ACTN2: variants seen among roughly 807,000 people sequenced by gnomAD.
ACTN2 encodes the protein actinin alpha 2.
A neutral mutation model predicts 113.8 loss-of-function variants in ACTN2; 39 were observed. The observed-to-expected ratio is 0.34, with a 90% CI of 0.27 to 0.45. ACTN2 has a LOEUF of 0.45. Ranked by LOEUF, ACTN2 falls within the 20% of genes least tolerant of loss-of-function variation. The pLI, the probability that ACTN2 is intolerant of heterozygous loss-of-function variation, is 1.00. For missense variants in ACTN2, 992 were observed against 1,177.9 expected (o/e 0.84, Z 2.31); for synonymous variants, 429 against 444.1 (o/e 0.97, Z 0.43).
At chr1:236,690,179 G>C (rs1396042067) in intron 1 of ACTN2, among the ~76,000 whole-genome samples, 1 of 152,186 alleles carries the variant, frequency 6.6e-6, no homozygotes, top group African/African-American at 2.4e-5. Context: ...GTGTTGCCAT[G>C]TTGGGTCAGG....
At chr1:236,694,800 C>T (rs1657432309) in intron 1 of ACTN2, among the ~76,000 whole-genome samples, 1 of 152,166 alleles carries the variant, frequency 6.6e-6, no homozygotes, top group Non-Finnish European at 1.5e-5. Flanking sequence ...TGTGGTGGCT[C>T]ATGCCCATAT....
intron 1 of ACTN2, among the ~76,000 whole-genome samples, chr1:236,695,536 G>A (rs1419915672): frequency 1.3e-5 from 2 of 148,302 alleles, no homozygotes; most frequent in African/African-American, 2.5e-5. Context: ...AAAAGTTCTG[G>A]TAACCTGAAT....
At chr1:236,736,434 TAGG>T in intron 8 of ACTN2, 1 of 626,830 alleles carries the variant, frequency 1.6e-6, no homozygotes, top group Non-Finnish European at 2.7e-6. Context: ...AGAAGCCAGT[TAGG>T]CAAGCTTCTC....
intron 1 of ACTN2, among the ~76,000 whole-genome samples, chr1:236,713,602 T>A (rs1658119582): frequency 6.6e-6 from 1 of 152,156 alleles, no homozygotes; most frequent in South Asian, 2.1e-4. Context: ...GTCTGTGTGT[T>A]TATGTATACA....
intron 15 of ACTN2, among the ~76,000 whole-genome samples, chr1:236,752,187 T>A (rs1659415544): frequency 6.6e-6 from 1 of 152,202 alleles, no homozygotes; most frequent in African/African-American, 2.4e-5. Flanking sequence ...TGAGCCCTTT[T>A]GTCTGATTTT....
intron 15 of ACTN2, among the ~76,000 whole-genome samples, chr1:236,753,595 G>A (rs1659464568): frequency 6.6e-6 from 1 of 152,198 alleles, no homozygotes; most frequent in African/African-American, 2.4e-5. Flanking sequence ...CAAATCCTCT[G>A]TACTCTGGAC....
chr1:236,720,436 G>T (rs955945219), intron 4 of ACTN2, among the ~76,000 whole-genome samples: 4 of 152,136 alleles, frequency 2.6e-5, no homozygotes, highest in African/African-American at 9.7e-5. Flanking sequence ...TTTTTAAAAT[G>T]AGCATTTATT....
At chr1:236,693,339 C>T (rs1657351262) in intron 1 of ACTN2, among the ~76,000 whole-genome samples, 1 of 152,068 alleles carries the variant, frequency 6.6e-6, no homozygotes, top group African/African-American at 2.4e-5. Flanking sequence ...TTTTGTAGTC[C>T]TAGGGACCAG....
chr1:236,744,796 G>A lies in ACTN2; in HGVS notation c.1406+20G>A, dbSNP rs748640670. The stretch of plus-strand genomic sequence containing the variant: ...GCTCAAGTATGTGCAGATGCCCTCC[G>A]TCCTCCCGGGAGCCCCTGGGATTCC... On this transcript the variant is annotated intron_variant, in intron 12 of 20. Coordinates refer to ENST00000366578, the MANE Select transcript of ACTN2 (RefSeq NM_001103.4). The A allele has an allele frequency of 4.3e-6, 7 of 1,613,754 alleles. No homozygotes were observed. Among genetic ancestry groups the A allele is most frequent in the Admixed American group, 1.7e-5 (1 of 60,002 alleles).
At chr1:236,713,434 T>A (rs900961413) in intron 1 of ACTN2, among the ~76,000 whole-genome samples, 1 of 152,072 alleles carries the variant, frequency 6.6e-6, no homozygotes, top group East Asian at 1.9e-4. Context: ...TCCGTGTTGG[T>A]CAGGCTGGTC....
rs1658268852 is a variant in ACTN2, at chr1:236,717,904, A to G, written c.173A>G (p.Gln58Arg). The G allele has an allele frequency of 6.2e-7, 1 of 1,614,060 alleles. No individual in the cohort carries two copies. The highest frequency in any genetic ancestry group is 1.1e-5 in the South Asian group (1 of 91,082). ...TCCCACCTAAGGAAAGCCGGCACCC[A>G]GATTGAGAACATCGAGGAAGACTTC... ...CNSHLRKAGT[Q>R]IENIEEDFRN... The change falls in exon 2 of 21, where the codon CAG becomes CGG. Residue 58 changes from glutamine to arginine, a missense_variant. By Grantham distance (43) the Gln-to-Arg change is conservative. Around this residue, in one of 3 missense-constraint regions of ACTN2, gnomAD observed 220 missense variants for 337.5 expected, o/e 0.65. Coordinates refer to ENST00000366578, the MANE Select transcript of ACTN2 (RefSeq NM_001103.4).
chr1:236,743,396 G>T (rs1384382004), intron 11 of ACTN2, among the ~76,000 whole-genome samples: 2 of 152,136 alleles, frequency 1.3e-5, no homozygotes, highest in Non-Finnish European at 2.9e-5. Context: ...ACTAGCCTCT[G>T]CCAGTAGAAT....
intron 11 of ACTN2, among the ~76,000 whole-genome samples, 186 bp downstream of exon 11, chr1:236,743,229 A>G (rs1558243281): frequency 6.6e-6 from 1 of 152,308 alleles, no homozygotes; most frequent in South Asian, 2.1e-4. Flanking sequence ...TTTAGTTTCT[A>G]ATCACGCAGG....
chr1:236,709,614 C>T (rs1657963268), intron 1 of ACTN2, among the ~76,000 whole-genome samples: 1 of 151,878 alleles, frequency 6.6e-6, no homozygotes, highest in African/African-American at 2.4e-5. Context: ...CCAAGCAGAC[C>T]TCTTGATGTC....
chr1:236,728,300 C>A (rs181609081), intron 6 of ACTN2, among the ~76,000 whole-genome samples: 2 of 152,082 alleles, frequency 1.3e-5, no homozygotes, highest in Admixed American at 6.5e-5. Context: ...TCCGCCACCA[C>A]GCCTGGATAA....
intron 12 of ACTN2, 105 bp downstream of exon 12, chr1:236,744,881 G>A (rs113738110): frequency 5.8e-5 from 84 of 1,446,382 alleles, no homozygotes; most frequent in African/African-American, 4.9e-4. Context: ...AGGGAACCAC[G>A]CTGGAGGCAC....
intron 18 of ACTN2, among the ~76,000 whole-genome samples, chr1:236,758,930 T>C (rs947564754): frequency 6.6e-6 from 1 of 152,210 alleles, no homozygotes; most frequent in Non-Finnish European, 1.5e-5. Flanking sequence ...TACGTTCCAA[T>C]TCTTAAAGAT....
At chr1:236,732,431 A>C (rs77047041) in intron 7 of ACTN2, among the ~76,000 whole-genome samples, 65 of 149,880 alleles carry the variant, frequency 4.3e-4, no homozygotes, top group East Asian at 7.9e-4. Context: ...TTTTCTTTTT[A>C]TTTTTTATTT....
chr1:236,741,793 T>C (rs61831786), intron 10 of ACTN2, among the ~76,000 whole-genome samples: 58,650 of 152,088 alleles, frequency 0.39, 13,960 homozygotes, highest in Non-Finnish European at 0.53. Flanking sequence ...GCCTCTGTCG[T>C]CTTTTAAAAA....
Sources: gnomAD v4.1 joint callset for allele counts (sites outside exome capture counted in the v4.1 genomes callset) on GRCh38, gnomAD v4.1.1 for gene constraint, gnomAD v4.1.1 regional missense constraint, MANE v1.5 for transcripts, NCBI Gene and HGNC (gene_info 2026-07-23, HGNC 2026-07-21) for gene names.